CDK6: variants seen among roughly 807,000 people sequenced by gnomAD.
CDK6 encodes cyclin dependent kinase 6.
A neutral mutation model predicts 37.1 loss-of-function variants in CDK6; 6 were observed. The ratio of observed to expected loss-of-function variants is 0.16; its 90% confidence interval spans 0.09 to 0.32. CDK6 has a LOEUF of 0.32. CDK6 is among the 10% of genes least tolerant of loss of function. The pLI, the probability that CDK6 is intolerant of heterozygous loss-of-function variation, is 1.00. For synonymous variants in CDK6, 160 were observed against 161.3 expected, an observed-to-expected ratio of 0.99 and a Z score of 0.06; for missense variants, 224 against 418.9, an observed-to-expected ratio of 0.53 and a Z score of 4.06.
intron 3 of CDK6, among the ~76,000 whole-genome samples, chr7:92,726,531 C>T (rs1040938885): frequency 1.3e-5 from 2 of 152,186 alleles, no homozygotes; most frequent in South Asian, 4.1e-4. Context: ...CTGCCTCAGC[C>T]TCCCAAGTAG....
chr7:92,695,500 T>C (rs550268445), intron 4 of CDK6, among the ~76,000 whole-genome samples: 72 of 152,294 alleles, frequency 4.7e-4, no homozygotes, highest in African/African-American at 1.7e-3. Flanking sequence ...TTCTTTTGAC[T>C]TGAGAAAGTC....
chr7:92,608,582 C>A lies in CDK6; in HGVS notation c.*6558G>T, dbSNP rs368408313. 1.7e-5 allele frequency: 4 copies of A among 232,170 alleles called. No homozygotes were observed. The East Asian group carries it at 2.4e-4, about 14-fold the overall frequency. The allele number at this position is 232,170 out of a possible 1,614,324, so 14.4% of individuals were successfully genotyped here. A position where few individuals can be genotyped will look rare whatever the true frequency, so the allele number is the denominator to read the frequency against. On this transcript the variant is annotated 3_prime_UTR_variant, in exon 8 of 8. Transcript: ENST00000424848. ...AAACAAAAACAAAAACTGAGCTTAGCGCCTGAGAGATGCGGGGTAGACAGC... is the reference window on the plus strand; with the variant it reads ...AAACAAAAACAAAAACTGAGCTTAGAGCCTGAGAGATGCGGGGTAGACAGC...
At chr7:92,629,856 G>C (rs1796014066) in intron 5 of CDK6, among the ~76,000 whole-genome samples, 1 of 152,066 alleles carries the variant, frequency 6.6e-6, no homozygotes, top group Non-Finnish European at 1.5e-5. Flanking sequence ...CAACAATGTA[G>C]GGTTCTGGTA....
chr7:92,664,497 G>A (rs1796912551), intron 5 of CDK6, among the ~76,000 whole-genome samples: 1 of 152,188 alleles, frequency 6.6e-6, no homozygotes, highest in Admixed American at 6.5e-5. Flanking sequence ...ACTGACCACT[G>A]ACCCACAAAG....
At chr7:92,826,237 G>T (rs1447781423) in intron 2 of CDK6, among the ~76,000 whole-genome samples, 1 of 152,092 alleles carries the variant, frequency 6.6e-6, no homozygotes, top group African/African-American at 2.4e-5. Context: ...AATAGGGTGT[G>T]AAAGAGTAGA....
intron 2 of CDK6, among the ~76,000 whole-genome samples, chr7:92,783,976 A>C (rs1293274735): frequency 2.0e-5 from 3 of 152,220 alleles, no homozygotes; most frequent in Non-Finnish European, 4.4e-5. Flanking sequence ...CTACGTCATC[A>C]AACACAATTA....
At position 92,608,031 on chromosome 7, in the gene CDK6, TA is replaced by T. The variant is rs1333447754; in HGVS notation, c.*7108del. The T allele has an allele frequency of 1.3e-5, 3 of 233,250 alleles. No individual in the cohort carries two copies. The highest frequency in any genetic ancestry group is 2.2e-5 in the African/African-American group (1 of 45,346). The allele number at this position is 233,250 out of a possible 1,614,324, so 14.4% of individuals were successfully genotyped here. On this transcript the variant is annotated 3_prime_UTR_variant, in exon 8 of 8. Coordinates refer to ENST00000424848, the MANE Select transcript of CDK6 (RefSeq NM_001145306.2). ...ACATATTATTGCATTTCATAAAACT[TA>T]AGATTAGAAACTTTCAAGTAAGGGT...
At chr7:92,661,387 C>G (rs1317606763) in intron 5 of CDK6, among the ~76,000 whole-genome samples, 1 of 152,114 alleles carries the variant, frequency 6.6e-6, no homozygotes, top group Non-Finnish European at 1.5e-5. Context: ...AAGGTGCTGA[C>G]CCCCTGTGCA....
rs139488028 is a variant in CDK6, at chr7:92,791,114, A to T, written c.234-16283T>A. On this transcript the variant is annotated intron_variant, in intron 2 of 7. Transcript: ENST00000424848. ...TGGCAGCAAGGATGGAGAGGAGAGT[A>T]CAGATTCCAGAAATATTTAGGAGGT... 1.5e-3 allele frequency among the ~76,000 whole-genome samples: 231 copies of T among 152,298 alleles called. 2 individuals carry two copies. The highest frequency in any genetic ancestry group is 5.1e-3 in the African/African-American group (212 of 41,568).
At chr7:92,704,599 TTTTG>T (rs1434953902) in intron 4 of CDK6, among the ~76,000 whole-genome samples, 2 of 152,234 alleles carry the variant, frequency 1.3e-5, no homozygotes, top group Non-Finnish European at 2.9e-5. Context: ...CTTTCTTCAT[TTTTG>T]TTTTATTCCC....
chr7:92,650,967 G>A (rs1796560363), intron 5 of CDK6, among the ~76,000 whole-genome samples: 1 of 151,668 alleles, frequency 6.6e-6, no homozygotes, highest in Non-Finnish European at 1.5e-5. Context: ...TCGGCTCACT[G>A]CAACCTCTGC....
chr7:92,823,178 A>C (rs1801217723), intron 2 of CDK6, among the ~76,000 whole-genome samples: 1 of 151,402 alleles, frequency 6.6e-6, no homozygotes. Context: ...TAGTTTTTCT[A>C]GGATTGGATT....
At chr7:92,794,519 T>C (rs1183270023) in intron 2 of CDK6, among the ~76,000 whole-genome samples, 1 of 152,132 alleles carries the variant, frequency 6.6e-6, no homozygotes, top group Non-Finnish European at 1.5e-5. Flanking sequence ...AGAATGTGCG[T>C]GATTTTTGTG....
intron 2 of CDK6, among the ~76,000 whole-genome samples, chr7:92,816,916 A>T (rs950953690): frequency 6.6e-6 from 1 of 151,990 alleles, no homozygotes; most frequent in Non-Finnish European, 1.5e-5. Flanking sequence ...AAGGAGTTAA[A>T]GAATCTATAC....
chr7:92,742,728 T>A (rs1455240757), intron 3 of CDK6, among the ~76,000 whole-genome samples: 3 of 145,762 alleles, frequency 2.1e-5, no homozygotes, highest in African/African-American at 7.8e-5. Context: ...GTATAAAATG[T>A]ATACATATAT....
intron 2 of CDK6, among the ~76,000 whole-genome samples, chr7:92,822,937 T>C (rs1207369356): frequency 6.6e-6 from 1 of 152,134 alleles, no homozygotes; most frequent in Non-Finnish European, 1.5e-5. Context: ...CTGTTTTTTC[T>C]ATTTTCTCTC....
At chr7:92,748,434 T>C (rs1295706448) in intron 3 of CDK6, among the ~76,000 whole-genome samples, 3 of 152,192 alleles carry the variant, frequency 2.0e-5, no homozygotes, top group South Asian at 2.1e-4. Flanking sequence ...CTTGGTATAG[T>C]TCTATGATCA....
At chr7:92,769,604 G>T (rs1034400758) in intron 3 of CDK6, among the ~76,000 whole-genome samples, 1 of 152,190 alleles carries the variant, frequency 6.6e-6, no homozygotes, top group Non-Finnish European at 1.5e-5. Context: ...TCCTAGGAAA[G>T]ATTAATGTAT....
chr7:92,785,076 G>A (rs1800090323), intron 2 of CDK6, among the ~76,000 whole-genome samples: 1 of 152,060 alleles, frequency 6.6e-6, no homozygotes, highest in Non-Finnish European at 1.5e-5. Flanking sequence ...ACGCAGTGAA[G>A]GTAAACAAAT....
Sources: gnomAD v4.1 joint callset for allele counts (sites outside exome capture counted in the v4.1 genomes callset) on GRCh38, gnomAD v4.1.1 for gene constraint, MANE v1.5 for transcripts, NCBI Gene and HGNC (gene_info 2026-07-23, HGNC 2026-07-21) for gene names.